Variants in CPA1 observed in about 807,000 individuals in gnomAD.
CPA1 encodes carboxypeptidase A1.
Under a neutral mutation model 48.7 loss-of-function variants are expected in CPA1, and 42 were observed. That is an observed-to-expected ratio of 0.86 (90% CI 0.67 to 1.11). The LOEUF is 1.11. Among genes scored for constraint, CPA1 ranks in the 50% most tolerant of loss-of-function variants. The pLI is 0.00. For missense variants in CPA1, 477 were observed against 544.7 expected (o/e 0.88, Z 1.24); for synonymous variants, 203 against 217.9 (o/e 0.93, Z 0.60).
intron 9 of CPA1, 101 bp downstream of exon 9, chr7:130,386,024 A>C (rs1796470375): frequency 9.5e-7 from 1 of 1,052,624 alleles, no homozygotes; most frequent in Non-Finnish European, 1.4e-6. Context: ...AGCCAAGGGC[A>C]CCCAGATCTG....
In CPA1 at chr7:130,385,142, A is replaced by C. The variant is rs782224736; in HGVS notation, c.788-4A>C. 7.4e-6 allele frequency: 12 copies of C among 1,613,862 alleles called. No individual in the cohort carries two copies. Among genetic ancestry groups the C allele is most frequent in the Admixed American group, 3.3e-5 (2 of 59,976 alleles). ...ACACCGCCATGCCCTCTGTCCCCCC[A>C]CAGTGTCCGGAGCCAGCAGTAACCC... On this transcript the variant is annotated splice_region_variant and splice_polypyrimidine_tract_variant and intron_variant, in intron 7 of 9. Coordinates refer to ENST00000011292, the MANE Select transcript of CPA1 (RefSeq NM_001868.4).
Position 130,388,072 on chromosome 7 carries a change from G to GT in CPA1, c.*64dup, listed in dbSNP as rs1268099674. 6.5e-7 allele frequency: 1 copy of GT among 1,530,740 alleles called. No individual in the cohort carries two copies. Among genetic ancestry groups the GT allele is most frequent in the African/African-American group, 1.4e-5 (1 of 72,896 alleles). 94.8% of individuals were successfully genotyped at this position (1,530,740 alleles called of 1,614,324 possible). ...GGCCCCATCCAGGCAACCAAATAAA[G>GT]TTTGAGTGTACCAGGAACAGAATCC... On this transcript the variant is annotated 3_prime_UTR_variant, in exon 10 of 10. Coordinates refer to ENST00000011292, the MANE Select transcript of CPA1 (RefSeq NM_001868.4).
rs74637576 is a variant in CPA1, at chr7:130,384,897, C to T, written c.788-249C>T. On this transcript the variant is annotated intron_variant, in intron 7 of 9. Transcript: ENST00000011292. ...ACCTCAAGTCCTCCCGCCTTGGCCA[C>T]GTCTCTGTGAGAACTGGTCTCCACT... 1.8e-3 allele frequency: 1,083 copies of T among 606,192 alleles called. 7 individuals are homozygous for T. Among genetic ancestry groups the T allele is most frequent in the African/African-American group, 0.016 (877 of 54,086 alleles). 37.6% of individuals were successfully genotyped at this position (606,192 alleles called of 1,614,324 possible).
Position 130,385,276 on chromosome 7 carries a change from C to T in CPA1, c.918C>T (p.His306=), listed in dbSNP as rs782172898. Residue 306 remains histidine, a synonymous_variant, in exon 8 of 10, where the codon CAC becomes CAT. Coordinates refer to ENST00000011292, the MANE Select transcript of CPA1 (RefSeq NM_001868.4). ...ACATCAAGGCCTTCATCTCCATCCACAGCTACTCCCAGCTCCTCATGTATC... is the reference window on the plus strand; with the variant it reads ...ACATCAAGGCCTTCATCTCCATCCATAGCTACTCCCAGCTCCTCATGTATC... ...HGNIKAFISI[H]SYSQLLMYPY... The T allele has an allele frequency of 6.8e-6, 11 of 1,614,136 alleles. No homozygotes were observed. Among genetic ancestry groups the T allele is most frequent in the Non-Finnish European group, 9.3e-6 (11 of 1,180,052 alleles).
At position 130,388,010 on chromosome 7, in the gene CPA1, G is replaced by A; in HGVS notation, c.1259G>A (p.Ter420=). 1 of 1,613,910 alleles carries A rather than the reference G, an allele frequency of 6.2e-7. No homozygotes were observed. Among genetic ancestry groups the A allele is most frequent in the Non-Finnish European group, 8.5e-7 (1 of 1,179,926 alleles). The change falls in exon 10 of 10, where the codon TGA becomes TAA. Residue 420 remains the stop codon, a stop_retained_variant. Transcript: ENST00000011292. ...GAGCACACCCTGAATCACCCCTACTGAGCTGACCCTTTGACACCCTTCTTG... is the reference window on the plus strand; with the variant it reads ...GAGCACACCCTGAATCACCCCTACTAAGCTGACCCTTTGACACCCTTCTTG... ...IMEHTLNHPY[*]
Position 130,381,196 on chromosome 7 carries a change from A to G in CPA1, c.147+17A>G. On this transcript the variant is annotated intron_variant, in intron 2 of 9. Transcript: ENST00000011292. Reference sequence around the variant, plus strand: ...CACCTGCAGGTCAGAAGAGGGGAGAAGGGCTCTCTGAGGCCCCAGGGTATC... The same window carrying G: ...CACCTGCAGGTCAGAAGAGGGGAGAGGGGCTCTCTGAGGCCCCAGGGTATC... 3 of 1,597,322 alleles carry G rather than the reference A, an allele frequency of 1.9e-6. No individual in the cohort carries two copies. The highest frequency in any genetic ancestry group is 2.6e-6 in the Non-Finnish European group (3 of 1,166,938).
Position 130,387,981 on chromosome 7 carries a change from C to T in CPA1, c.1230C>T (p.Ile410=), listed in dbSNP as rs1584854380. The T allele has an allele frequency of 6.2e-6, 10 of 1,614,050 alleles. No individual in the cohort carries two copies. The highest frequency in any genetic ancestry group is 6.8e-6 in the Non-Finnish European group (8 of 1,180,038). The change falls in exon 10 of 10, where the codon ATC becomes ATT. Residue 410 remains isoleucine (I), a synonymous_variant. Coordinates refer to ENST00000011292, the MANE Select transcript of CPA1 (RefSeq NM_001868.4). The surrounding 1 kb of genome is among the most constrained non-coding windows in gnomAD (Gnocchi z 4.6). ...AKETWLALLT[I]MEHTLNHPY ...AGACGTGGCTGGCGCTTCTGACCAT[C>T]ATGGAGCACACCCTGAATCACCCCT...
At chr7:130,384,222 G>A (rs1796443175) in intron 6 of CPA1, 1 of 475,206 alleles carries the variant, frequency 2.1e-6, no homozygotes, top group East Asian at 3.9e-5. Context: ...CAGTGGTGGT[G>A]GAGGACACCT....
Position 130,381,829 on chromosome 7 carries a change from CTT to C in CPA1, c.350_351del (p.Phe117Ter), listed in dbSNP as rs1562967036. 1.2e-6 allele frequency: 2 copies of C among 1,614,086 alleles called. No individual in the cohort carries two copies. The highest frequency in any genetic ancestry group is 1.7e-6 in the Non-Finnish European group (2 of 1,180,016). The stretch of plus-strand genomic sequence containing the variant: ...CGGTCCCGGGCGCGCTCCACCGACA[CTT>C]TTAACTACGCCACCTACCACACCCT... On this transcript the variant is annotated frameshift_variant, in exon 3 of 10. Coordinates refer to ENST00000011292, the MANE Select transcript of CPA1 (RefSeq NM_001868.4). LOFTEE classifies it high-confidence loss of function.
intron 9 of CPA1, among the ~76,000 whole-genome samples, chr7:130,386,411 A>G (rs1554412039): frequency 6.6e-6 from 1 of 152,060 alleles, no homozygotes; most frequent in Non-Finnish European, 1.5e-5. Context: ...GTGCGCCTGT[A>G]GTCCCAGCTA....
chr7:130,383,324 T>C, intron 4 of CPA1, 67 bp from the exon 5 acceptor site: 1 of 1,343,550 alleles, frequency 7.4e-7, no homozygotes, highest in Non-Finnish European at 1.1e-6. Context: ...CGGGGTCTCC[T>C]TCAGGGCAGC....
intron 1 of CPA1, 114 bp from the exon 2 acceptor site, chr7:130,380,984 G>A: frequency 1.2e-6 from 1 of 823,876 alleles, no homozygotes; most frequent in Admixed American, 2.0e-5. Context: ...CAGCCCAGAG[G>A]ACGAGGCCCA....
chr7:130,380,718 G>A, intron 1 of CPA1, 133 bp downstream of exon 1: 1 of 534,986 alleles, frequency 1.9e-6, no homozygotes, highest in Non-Finnish European at 3.1e-6. Flanking sequence ...ACCTGGGACA[G>A]CTGGCAGATA....
At chr7:130,380,921 G>T in intron 1 of CPA1, 177 bp from the exon 2 acceptor site, 1 of 625,720 alleles carries the variant, frequency 1.6e-6, no homozygotes, top group East Asian at 2.8e-5. Flanking sequence ...GGAGAGAAGA[G>T]GTGAGGGAGC....
At chr7:130,384,818 G>A (rs151142635) in intron 7 of CPA1, 192 bp downstream of exon 7, 144 of 618,878 alleles carry the variant, frequency 2.3e-4, no homozygotes, top group African/African-American at 2.2e-3. Flanking sequence ...CAAAAGGCAA[G>A]TTGCTTGCAA....
At chr7:130,381,234 C>T in intron 2 of CPA1, 55 bp downstream of exon 2, 2 of 1,289,420 alleles carry the variant, frequency 1.6e-6, no homozygotes, top group South Asian at 1.3e-5. Flanking sequence ...CTGGGGCCAC[C>T]CCAGGTCCCC....
intron 7 of CPA1, 37 bp from the exon 8 acceptor site, chr7:130,385,109 G>A (rs1554411796): frequency 1.2e-6 from 2 of 1,604,020 alleles, no homozygotes; most frequent in East Asian, 2.2e-5. Flanking sequence ...ACAGAAGCTG[G>A]AGGAGCCACA....
intron 3 of CPA1, 48 bp from the exon 4 acceptor site, chr7:130,382,060 G>T: frequency 6.6e-7 from 1 of 1,505,226 alleles, no homozygotes; most frequent in Non-Finnish European, 9.2e-7. Context: ...GAAGCATCTG[G>T]GTGCCCAGAA....
Position 130,385,214 on chromosome 7 carries a change from G to A in CPA1, c.856G>A (p.Val286Ile), listed in dbSNP as rs1554411816. The A allele has an allele frequency of 1.9e-6, 3 of 1,614,230 alleles. No individual in the cohort carries two copies. Among genetic ancestry groups the A allele is most frequent in the East Asian group, 2.2e-5 (1 of 44,884 alleles). Residue 286 changes from valine (V) to isoleucine (I), a missense_variant, in exon 8 of 10, where the codon GTC becomes ATC. Val to Ile is a conservative substitution (Grantham distance 29, BLOSUM62 3). Coordinates refer to ENST00000011292, the MANE Select transcript of CPA1 (RefSeq NM_001868.4). ...HGKFANSEVE[V>I]KSIVDFVKDH... ...CAAGTTTGCCAATTCCGAAGTGGAG[G>A]TCAAGTCCATTGTAGACTTTGTGAA...
Sources: allele counts gnomAD v4.1 joint callset (sites outside exome capture counted in the v4.1 genomes callset), GRCh38; gene constraint gnomAD v4.1.1; non-coding constraint Gnocchi (gnomAD v3.1); transcripts MANE v1.5; gene names NCBI Gene and HGNC (gene_info 2026-07-23, HGNC 2026-07-21).